RABGAP1L: variants seen among roughly 807,000 people sequenced by gnomAD.
RABGAP1L encodes rab GTPase-activating protein 1-like.
RABGAP1L carries 63 observed loss-of-function variants against 137.7 expected under a neutral mutation model. That is an observed-to-expected ratio of 0.46 (90% CI 0.37 to 0.56). RABGAP1L has a LOEUF of 0.56. RABGAP1L is among the 20% of genes least tolerant of loss of function. RABGAP1L has a pLI of 0.00. For missense variants in RABGAP1L, 1,095 were observed against 1,244.0 expected, an observed-to-expected ratio of 0.88 and a Z score of 1.80; for synonymous variants, 431 against 433.7, an observed-to-expected ratio of 0.99 and a Z score of 0.08.
chr1:174,931,986 TTTGG>T (rs1223619288), intron 19 of RABGAP1L, among the ~76,000 whole-genome samples: 2 of 136,280 alleles, frequency 1.5e-5, no homozygotes, highest in Non-Finnish European at 3.2e-5. Context: ...AGACTGCTTT[TTTGG>T]TTTTTTTTTT....
chr1:174,481,273 G>A (rs1406517425), intron 13 of RABGAP1L, among the ~76,000 whole-genome samples: 2 of 152,186 alleles, frequency 1.3e-5, no homozygotes, highest in African/African-American at 2.4e-5. Flanking sequence ...ATCTGGCTTT[G>A]TGTTCCTTCA....
intron 19 of RABGAP1L, among the ~76,000 whole-genome samples, chr1:174,839,337 G>T (rs1693137798): frequency 1.3e-5 from 2 of 152,002 alleles, no homozygotes; most frequent in South Asian, 4.2e-4. Context: ...CCTCTCACAT[G>T]CACATCCACA....
chr1:174,940,919 C>A (rs1665760304), intron 19 of RABGAP1L, among the ~76,000 whole-genome samples: 1 of 152,210 alleles, frequency 6.6e-6, no homozygotes, highest in Non-Finnish European at 1.5e-5. Flanking sequence ...AAAATAGGTT[C>A]ATGCTTTCAG....
intron 7 of RABGAP1L, among the ~76,000 whole-genome samples, chr1:174,255,162 GT>G (rs1673016913): frequency 6.6e-6 from 1 of 151,980 alleles, no homozygotes; most frequent in South Asian, 2.1e-4. Flanking sequence ...TATAATTATA[GT>G]TGTCACCTTT....
chr1:174,199,708 G>A (rs1450400075), intron 1 of RABGAP1L, among the ~76,000 whole-genome samples: 2 of 152,056 alleles, frequency 1.3e-5, no homozygotes, highest in African/African-American at 2.4e-5. Context: ...TATCTCTAAC[G>A]GTCTTTTGAA....
chr1:174,172,519 CT>C (rs1346896637), intron 1 of RABGAP1L, among the ~76,000 whole-genome samples: 1 of 152,084 alleles, frequency 6.6e-6, no homozygotes, highest in African/African-American at 2.4e-5. Flanking sequence ...ACACTTTTGT[CT>C]TTTTGATAAT....
At chr1:174,328,445 A>G (rs992550204) in intron 11 of RABGAP1L, among the ~76,000 whole-genome samples, 6 of 152,124 alleles carry the variant, frequency 3.9e-5, no homozygotes, top group Non-Finnish European at 7.4e-5. Flanking sequence ...TGAACAACCA[A>G]TGAGCCAATG....
At chr1:174,807,719 C>T (rs994387260) in intron 18 of RABGAP1L, among the ~76,000 whole-genome samples, 47 of 152,068 alleles carry the variant, frequency 3.1e-4, no homozygotes, top group Non-Finnish European at 7.4e-5. Flanking sequence ...TTTTTGTTTT[C>T]GTTCACAATG....
At chr1:174,543,999 T>G (rs765492063) in intron 13 of RABGAP1L, among the ~76,000 whole-genome samples, 1 of 152,192 alleles carries the variant, frequency 6.6e-6, no homozygotes, top group Non-Finnish European at 1.5e-5. Flanking sequence ...TGTGGGTAAC[T>G]CGACCTTTCT....
At chr1:174,618,495 G>C (rs779055343) in intron 13 of RABGAP1L, among the ~76,000 whole-genome samples, 1 of 152,222 alleles carries the variant, frequency 6.6e-6, no homozygotes, top group African/African-American at 2.4e-5. Flanking sequence ...AATATCTGCT[G>C]TTCTGCAGCC....
intron 13 of RABGAP1L, among the ~76,000 whole-genome samples, chr1:174,466,717 G>A (rs948116867): frequency 2.6e-5 from 4 of 152,178 alleles, no homozygotes; most frequent in East Asian, 1.9e-4. Flanking sequence ...AATCTGGAAG[G>A]CGGAGGCTAC....
At chr1:174,782,755 C>T (rs911899896) in intron 18 of RABGAP1L, among the ~76,000 whole-genome samples, 7 of 152,130 alleles carry the variant, frequency 4.6e-5, no homozygotes, top group African/African-American at 1.4e-4. Flanking sequence ...GGACGGTGAC[C>T]ACACCCACCT....
chr1:174,683,309 C>A (rs1275996827), intron 14 of RABGAP1L, among the ~76,000 whole-genome samples: 2 of 151,770 alleles, frequency 1.3e-5, no homozygotes, highest in African/African-American at 4.8e-5. Context: ...TAAAGATGAA[C>A]CTGGGATAAA....
intron 13 of RABGAP1L, among the ~76,000 whole-genome samples, chr1:174,544,428 C>T (rs1257616159): frequency 1.3e-5 from 2 of 152,164 alleles, no homozygotes; most frequent in Non-Finnish European, 2.9e-5. Flanking sequence ...AGTTCTCTTG[C>T]CATGGTTTTC....
chr1:174,616,494 A>G (rs566604072), intron 13 of RABGAP1L, among the ~76,000 whole-genome samples: 31 of 152,336 alleles, frequency 2.0e-4, no homozygotes, highest in African/African-American at 6.5e-4. Flanking sequence ...CACCAGGGAA[A>G]CAAAGTAAAT....
intron 18 of RABGAP1L, among the ~76,000 whole-genome samples, chr1:174,766,390 C>A (rs1685672191): frequency 1.3e-5 from 2 of 152,182 alleles, no homozygotes; most frequent in African/African-American, 4.8e-5. Context: ...TCTTGGCATC[C>A]TTGTCAAAAA....
intron 14 of RABGAP1L, among the ~76,000 whole-genome samples, chr1:174,674,774 G>A (rs1423444849): frequency 2.3e-4 from 35 of 152,002 alleles, no homozygotes; most frequent in Non-Finnish European, 3.8e-4. Flanking sequence ...TTTAATGATC[G>A]CCATTCTAAC....
chr1:174,179,532 G>A (rs1357978774), intron 1 of RABGAP1L, among the ~76,000 whole-genome samples: 1 of 142,712 alleles, frequency 7.0e-6, no homozygotes, highest in Non-Finnish European at 1.5e-5. Context: ...ATTAAAGACA[G>A]TCTTAGCACG....
intron 13 of RABGAP1L, among the ~76,000 whole-genome samples, chr1:174,617,634 A>T (rs1238155606): frequency 6.6e-6 from 1 of 152,224 alleles, no homozygotes; most frequent in African/African-American, 2.4e-5. Context: ...GCAATTATAT[A>T]ACCTGAATTG....
Sources: gnomAD v4.1 joint callset for allele counts (sites outside exome capture counted in the v4.1 genomes callset) on GRCh38, gnomAD v4.1.1 for gene constraint, MANE v1.5 for transcripts, NCBI Gene and HGNC (gene_info 2026-07-23, HGNC 2026-07-21) for gene names.